DNAJC1: variants seen among roughly 807,000 people sequenced by gnomAD.
DNAJC1 encodes the protein DnaJ heat shock protein family (Hsp40) member C1.
DNAJC1 carries 58 observed loss-of-function variants against 76.6 expected under a neutral mutation model. The ratio of observed to expected loss-of-function variants is 0.76; its 90% CI spans 0.61 to 0.94. The LOEUF (loss-of-function observed/expected upper bound fraction) is 0.94. Ranked by LOEUF, DNAJC1 falls within the 40% of genes least tolerant of loss-of-function variation. The pLI is 0.00. For missense variants in DNAJC1, 689 were observed against 677.3 expected, an observed-to-expected ratio of 1.02 and a Z score of -0.19; for synonymous variants, 258 against 267.9, an observed-to-expected ratio of 0.96 and a Z score of 0.36.
At chr10:21,858,952 T>A (rs968621598) in intron 8 of DNAJC1, among the ~76,000 whole-genome samples, 3 of 152,212 alleles carry the variant, frequency 2.0e-5, no homozygotes, top group Non-Finnish European at 4.4e-5. Context: ...AGATTTAAAA[T>A]ATTTAACTAC....
intron 8 of DNAJC1, among the ~76,000 whole-genome samples, chr10:21,850,293 C>T (rs544056628): frequency 2.6e-5 from 4 of 152,082 alleles, no homozygotes; most frequent in South Asian, 2.1e-4. Context: ...ATACATAAAA[C>T]GCAGTTGGGT....
chr10:21,835,470 G>C lies in DNAJC1; in HGVS notation c.979-29371C>G, dbSNP rs921544721. On this transcript the variant is annotated intron_variant, in intron 8 of 11. Transcript: ENST00000376980. ...TCCTCACCAGCAAGGGAACAAAGCT[G>C]GATGGAGAATGACTTTGATGAGTTG... 3.9e-5 allele frequency among the ~76,000 whole-genome samples: 6 copies of C among 152,222 alleles called. No individual in the cohort carries two copies. The East Asian group carries it at 1.2e-3, about 29-fold the overall frequency.
intron 8 of DNAJC1, among the ~76,000 whole-genome samples, chr10:21,870,081 C>T (rs11498370): frequency 0.06 from 9,074 of 151,682 alleles, 967 homozygotes; most frequent in African/African-American, 0.21. Flanking sequence ...AATCAAATAA[C>T]AAAGAATAAT....
chr10:21,937,515 T>C lies in DNAJC1; in HGVS notation c.223-8374A>G, dbSNP rs552011037. ...AAAGGAGAAATAGACAATTCTATAA[T>C]AACGGAAACTTTAATACTCCACTTT... On this transcript the variant is annotated intron_variant, in intron 1 of 11. Transcript: ENST00000376980. Among the ~76,000 whole-genome samples, 12 of 152,186 alleles carry C rather than the reference T, an allele frequency of 7.9e-5. No individual in the cohort carries two copies. The East Asian group carries it at 2.1e-3, about 27-fold the overall frequency.
At chr10:21,805,439 G>GACACACACACACACAC (rs10657199) in intron 9 of DNAJC1, among the ~76,000 whole-genome samples, 2 of 142,746 alleles carry the variant, frequency 1.4e-5, no homozygotes, top group African/African-American at 5.2e-5. Flanking sequence ...GTTACGTATG[G>GACACACACACACACAC]ACACACACAC....
chr10:21,854,973 TTA>T (rs1835811291), intron 8 of DNAJC1, among the ~76,000 whole-genome samples: 1 of 152,114 alleles, frequency 6.6e-6, no homozygotes, highest in Non-Finnish European at 1.5e-5. Context: ...AAAGATAACA[TTA>T]GAGAGTATTA....
At chr10:21,893,488 C>A (rs1428969312) in intron 7 of DNAJC1, among the ~76,000 whole-genome samples, 1 of 151,558 alleles carries the variant, frequency 6.6e-6, no homozygotes, top group Non-Finnish European at 1.5e-5. Context: ...ATTAGCCGGG[C>A]ATGGTGGCAA....
intron 8 of DNAJC1, among the ~76,000 whole-genome samples, chr10:21,871,754 T>G (rs1406079423): frequency 6.6e-6 from 1 of 151,800 alleles, no homozygotes; most frequent in Non-Finnish European, 1.5e-5. Context: ...TTCAGACGCT[T>G]CTTGTGGTTA....
At chr10:21,808,148 A>G (rs1485174990) in intron 8 of DNAJC1, among the ~76,000 whole-genome samples, 2 of 152,192 alleles carry the variant, frequency 1.3e-5, no homozygotes, top group Non-Finnish European at 2.9e-5. Flanking sequence ...GTACGAAATC[A>G]CACTAAATCA....
chr10:21,770,698 C>T (rs1038110464), intron 9 of DNAJC1, among the ~76,000 whole-genome samples: 3 of 152,170 alleles, frequency 2.0e-5, no homozygotes, highest in Non-Finnish European at 4.4e-5. Flanking sequence ...CATGCCTGGC[C>T]AGAGTTGTAA....
At chr10:21,856,249 A>G (rs1214853436) in intron 8 of DNAJC1, among the ~76,000 whole-genome samples, 2 of 152,216 alleles carry the variant, frequency 1.3e-5, no homozygotes, top group Non-Finnish European at 2.9e-5. Context: ...GAAATTCTAT[A>G]AGCCAGTTAA....
intron 1 of DNAJC1, among the ~76,000 whole-genome samples, chr10:21,950,144 G>C (rs201262873): frequency 6.6e-6 from 1 of 151,798 alleles, no homozygotes; most frequent in Non-Finnish European, 1.5e-5. Flanking sequence ...TGCGGCTATT[G>C]TATCTTTTTC....
intron 8 of DNAJC1, among the ~76,000 whole-genome samples, chr10:21,811,564 C>T (rs1834966691): frequency 6.6e-6 from 1 of 152,020 alleles, no homozygotes; most frequent in Non-Finnish European, 1.5e-5. Flanking sequence ...TTGGATTTTG[C>T]CAAAATTAAA....
chr10:21,841,224 C>T (rs889098717), intron 8 of DNAJC1, among the ~76,000 whole-genome samples: 2 of 152,164 alleles, frequency 1.3e-5, no homozygotes, highest in Non-Finnish European at 2.9e-5. Context: ...CAACCAAAAG[C>T]AATGGCAACA....
chr10:21,810,143 C>A (rs959968578), intron 8 of DNAJC1, among the ~76,000 whole-genome samples: 2 of 152,108 alleles, frequency 1.3e-5, no homozygotes, highest in Admixed American at 6.6e-5. Context: ...TGGGGGCACA[C>A]AATTCCGTTC....
At chr10:21,835,402 C>T (rs1835433493) in intron 8 of DNAJC1, among the ~76,000 whole-genome samples, 1 of 152,154 alleles carries the variant, frequency 6.6e-6, no homozygotes, top group Non-Finnish European at 1.5e-5. Context: ...AAACTGGAAA[C>T]TTTAAAAATC....
chr10:21,912,649 T>C (rs557607439), intron 6 of DNAJC1, among the ~76,000 whole-genome samples: 1 of 152,272 alleles, frequency 6.6e-6, no homozygotes, highest in African/African-American at 2.4e-5. Flanking sequence ...TTAAAAAGTT[T>C]TAGAGTATTA....
chr10:21,884,274 T>A (rs1019414957), intron 7 of DNAJC1, among the ~76,000 whole-genome samples: 1 of 152,072 alleles, frequency 6.6e-6, no homozygotes. Context: ...AAATGGGCAA[T>A]CCACAATTGA....
intron 8 of DNAJC1, among the ~76,000 whole-genome samples, chr10:21,813,953 T>A (rs547657216): frequency 6.6e-6 from 1 of 152,122 alleles, no homozygotes; most frequent in African/African-American, 2.4e-5. Flanking sequence ...GACCCAGGAG[T>A]CTCATGTCTT....
Sources: gnomAD v4.1 joint callset for allele counts (sites outside exome capture counted in the v4.1 genomes callset) on GRCh38, gnomAD v4.1.1 for gene constraint, MANE v1.5 for transcripts, NCBI Gene and HGNC (gene_info 2026-07-23, HGNC 2026-07-21) for gene names.